Variants in ASCC3 observed in about 807,000 individuals in gnomAD.
ASCC3 encodes ASC-1 complex subunit P200.
ASCC3 carries 158 observed loss-of-function variants against 256.3 expected under a neutral mutation model. The ratio of observed to expected loss-of-function variants is 0.62; its 90% CI spans 0.54 to 0.70. The LOEUF (loss-of-function observed/expected upper bound fraction) is 0.70, where lower values mean the gene tolerates loss of function less well. ASCC3 is among the 30% of genes least tolerant of loss of function. The pLI, the probability that ASCC3 is intolerant of heterozygous loss-of-function variation, is 0.00. For missense variants in ASCC3, 2,259 were observed against 2,626.0 expected (o/e 0.86, Z 3.05); for synonymous variants, 948 against 883.4 (o/e 1.07, Z -1.30).
chr6:100,851,891 A>G (rs772205656), intron 3 of ASCC3, among the ~76,000 whole-genome samples: 1 of 152,286 alleles, frequency 6.6e-6, no homozygotes, highest in East Asian at 1.9e-4. Flanking sequence ...GGTAACTTCC[A>G]CTTTCACCAT....
Position 100,790,747 on chromosome 6 carries a change from A to G in ASCC3, c.1395+7966T>C, listed in dbSNP as rs78515390. ...TCTAATTTCCTGCTATAAAATCAATAAAGTGTAGGTTGTAAAGAAAATTAT... is the reference window on the plus strand; with the variant it reads ...TCTAATTTCCTGCTATAAAATCAATGAAGTGTAGGTTGTAAAGAAAATTAT... On this transcript the variant is annotated intron_variant, in intron 8 of 41. Coordinates refer to ENST00000369162, the MANE Select transcript of ASCC3 (RefSeq NM_006828.4). Among the ~76,000 whole-genome samples, 1,962 of 152,088 alleles carry G rather than the reference A, an allele frequency of 0.013. 100 individuals are homozygous for G. The East Asian group carries it at 0.15, about 12-fold the overall frequency.
At chr6:100,636,539 A>C (rs1012394735) in intron 25 of ASCC3, among the ~76,000 whole-genome samples, 2 of 152,164 alleles carry the variant, frequency 1.3e-5, no homozygotes, top group Non-Finnish European at 2.9e-5. Context: ...TGAAAGGAAG[A>C]GTTGCATGTC....
chr6:100,860,555 A>T (rs1351105699), intron 3 of ASCC3, among the ~76,000 whole-genome samples: 2 of 151,916 alleles, frequency 1.3e-5, no homozygotes, highest in Admixed American at 6.6e-5. Context: ...TCTATACTTC[A>T]TTTGTTTATT....
rs574090338 is a variant in ASCC3 at position 100,782,248 on chromosome 6, C to T, written c.1396-14903G>A. 4.5e-4 allele frequency among the ~76,000 whole-genome samples: 69 copies of T among 152,110 alleles called. 1 individual carries two copies. Among genetic ancestry groups the T allele is most frequent in the Non-Finnish European group, 8.2e-4 (56 of 67,982 alleles). ...TGAAATTAATTTAGTGGATTGTTAT[C>T]GGTGCTTTTAAAGAATAGAAAAGAA... On this transcript the variant is annotated intron_variant, in intron 8 of 41. Coordinates refer to ENST00000369162, the MANE Select transcript of ASCC3 (RefSeq NM_006828.4).
intron 22 of ASCC3, among the ~76,000 whole-genome samples, chr6:100,645,782 A>G (rs768269078): frequency 6.6e-6 from 1 of 152,188 alleles, no homozygotes; most frequent in African/African-American, 2.4e-5. Context: ...GAAGGAATTA[A>G]AACAGAAACA....
chr6:100,562,956 AT>A (rs1010545770), intron 36 of ASCC3, among the ~76,000 whole-genome samples: 11 of 149,386 alleles, frequency 7.4e-5, no homozygotes, highest in Non-Finnish European at 7.4e-5. Flanking sequence ...AAAGGTTGCC[AT>A]TTTTTTTTCA....
chr6:100,847,920 A>G (rs1772459667), intron 4 of ASCC3: 1 of 395,228 alleles, frequency 2.5e-6, no homozygotes, highest in Non-Finnish European at 4.5e-6. Context: ...GTGGACACCC[A>G]ACTATTGTCT....
At chr6:100,509,630 G>A in intron 41 of ASCC3, 97 bp from the exon 42 acceptor site, 1 of 1,222,840 alleles carries the variant, frequency 8.2e-7, no homozygotes, top group East Asian at 2.6e-5. Context: ...GCTGGGTGCG[G>A]TGGCTCACGC....
At chr6:100,678,477 A>T (rs1390664598) in intron 14 of ASCC3, among the ~76,000 whole-genome samples, 1 of 152,132 alleles carries the variant, frequency 6.6e-6, no homozygotes, top group Non-Finnish European at 1.5e-5. Context: ...GATGTTCAAA[A>T]CAACTGACAT....
intron 8 of ASCC3, among the ~76,000 whole-genome samples, chr6:100,791,304 A>G (rs996335693): frequency 6.6e-6 from 1 of 151,896 alleles, no homozygotes; most frequent in Non-Finnish European, 1.5e-5. Context: ...TGCACTCTAA[A>G]TAATACTCCA....
chr6:100,569,910 A>G (rs1475978860), intron 36 of ASCC3, among the ~76,000 whole-genome samples: 3 of 152,176 alleles, frequency 2.0e-5, no homozygotes, highest in Non-Finnish European at 4.4e-5. Context: ...CTTGCAATCT[A>G]TGAGTATGGA....
rs568686936 is a variant in ASCC3 at position 100,701,768 on chromosome 6, A to T, written c.2151+13694T>A. 2.8e-4 allele frequency among the ~76,000 whole-genome samples: 43 copies of T among 152,072 alleles called. No homozygotes were observed. The South Asian group carries it at 3.3e-3, about 12-fold the overall frequency. Reference sequence around the variant, plus strand: ...AAGAAGGTGACAGTCAGGGATGTTTAAAAAAAAGGGTTTCTCTGAGAAAGA... The same window carrying T: ...AAGAAGGTGACAGTCAGGGATGTTTTAAAAAAAGGGTTTCTCTGAGAAAGA... On this transcript the variant is annotated intron_variant, in intron 13 of 41. Coordinates refer to ENST00000369162, the MANE Select transcript of ASCC3 (RefSeq NM_006828.4).
intron 11 of ASCC3, among the ~76,000 whole-genome samples, chr6:100,722,669 A>C (rs2115033389): frequency 6.6e-6 from 1 of 151,904 alleles, no homozygotes; most frequent in South Asian, 2.1e-4. Flanking sequence ...TAAAAACATA[A>C]ATATACTGCA....
rs139307503 is a variant in ASCC3, at chr6:100,700,997, G to A, written c.2151+14465C>T. Among the ~76,000 whole-genome samples the A allele has an allele frequency of 0.013, 1,951 of 152,214 alleles. 99 individuals carry two copies. In the East Asian group the frequency reaches 0.15, roughly 11 times the overall value. On this transcript the variant is annotated intron_variant, in intron 13 of 41. Transcript: ENST00000369162. ...TGAAATGTGAGGACATGAGATTTGG[G>A]AGGGGCCAGGGTGGAATGATATGGT...
intron 37 of ASCC3, among the ~76,000 whole-genome samples, chr6:100,536,763 G>A (rs1417214444): frequency 1.3e-5 from 2 of 152,156 alleles, no homozygotes; most frequent in African/African-American, 4.8e-5. Flanking sequence ...GCCATGCCCA[G>A]TCCAGATTTT....
rs371627853 is a variant in ASCC3 at position 100,806,682 on chromosome 6, C to T, written c.802-802G>A. On this transcript the variant is annotated intron_variant, in intron 4 of 41. Coordinates refer to ENST00000369162, the MANE Select transcript of ASCC3 (RefSeq NM_006828.4). ...CTCAGAGAATCCACACAAATAAAAC[C>T]ATAAAATAAAAATTTACTTTGTGTA... 1.1e-4 allele frequency among the ~76,000 whole-genome samples: 16 copies of T among 151,808 alleles called. No homozygotes were observed. In the East Asian group the frequency reaches 2.9e-3, roughly 28 times the overall value.
chr6:100,623,325 C>T (rs971405734), intron 30 of ASCC3, among the ~76,000 whole-genome samples: 4 of 152,094 alleles, frequency 2.6e-5, no homozygotes, highest in East Asian at 1.9e-4. Flanking sequence ...ATCGCTATTA[C>T]TCTACTTCAA....
rs34575315 is a variant in ASCC3 at position 100,535,466 on chromosome 6, GT to G, written c.5775+4696del. On this transcript the variant is annotated intron_variant, in intron 37 of 41. Transcript: ENST00000369162. Reference sequence around the variant, plus strand: ...TTTAGAATATGAAGCTGGTTTTCGTGTTTTTTTTTTTTTTTTTTTTTGAGAT... The same window carrying G: ...TTTAGAATATGAAGCTGGTTTTCGTGTTTTTTTTTTTTTTTTTTTTGAGAT... Among the ~76,000 whole-genome samples the G allele has an allele frequency of 9.1e-3, 898 of 98,640 alleles. 3 individuals are homozygous for G. Among genetic ancestry groups the G allele is most frequent in the African/African-American group, 0.03 (793 of 26,030 alleles). 64.7% of individuals were successfully genotyped at this position (98,640 alleles called of 152,430 possible).
At chr6:100,518,230 A>T (rs1333790769) in intron 37 of ASCC3, 88 bp from the exon 38 acceptor site, 7 of 1,417,520 alleles carry the variant, frequency 4.9e-6, no homozygotes, top group Non-Finnish European at 6.9e-6. Context: ...TTAACAAAAA[A>T]CAAAGAAACC....
Sources: gnomAD v4.1 joint callset for allele counts (sites outside exome capture counted in the v4.1 genomes callset) on GRCh38, gnomAD v4.1.1 for gene constraint, MANE v1.5 for transcripts, NCBI Gene and HGNC (gene_info 2026-07-23, HGNC 2026-07-21) for gene names.